Variants in AGAP1 observed in about 807,000 individuals in gnomAD.
The protein encoded by AGAP1 is ArfGAP with GTPase domain, ankyrin repeat and PH domain 1.
In AGAP1, 29 loss-of-function variants were observed where a neutral mutation model predicts 105.3. The observed-to-expected ratio is 0.28, with a 90% confidence interval of 0.21 to 0.38. The LOEUF (loss-of-function observed/expected upper bound fraction) is 0.38, where lower values mean the gene tolerates loss of function less well. Among genes scored for constraint, AGAP1 ranks in the 10% least tolerant of loss-of-function variants. The pLI, the probability that AGAP1 is intolerant of heterozygous loss-of-function variation, is 1.00. For synonymous variants in AGAP1, 509 were observed against 485.9 expected (o/e 1.05, Z -0.63); for missense variants, 998 against 1,165.1 (o/e 0.86, Z 2.09).
chr2:236,111,549 C>T (rs761735364), intron 16 of AGAP1, among the ~76,000 whole-genome samples: 41 of 151,808 alleles, frequency 2.7e-4, no homozygotes, highest in Non-Finnish European at 4.6e-4. Flanking sequence ...CACTTGTAAT[C>T]CCAGCACAAA....
chr2:235,678,901 C>T (rs1336339631), intron 1 of AGAP1, among the ~76,000 whole-genome samples: 2 of 152,160 alleles, frequency 1.3e-5, no homozygotes, highest in African/African-American at 4.8e-5. Context: ...TGTGTTTCGC[C>T]ATGTAGCCCC....
chr2:235,761,362 AG>A (rs1354521337), intron 6 of AGAP1, among the ~76,000 whole-genome samples: 1 of 152,204 alleles, frequency 6.6e-6, no homozygotes, highest in African/African-American at 2.4e-5. Context: ...TGCCAACATT[AG>A]ATCATTAAAC....
intron 9 of AGAP1, among the ~76,000 whole-genome samples, chr2:235,851,482 CCCT>C (rs1219785735): frequency 1.3e-5 from 2 of 152,210 alleles, no homozygotes; most frequent in Admixed American, 6.5e-5. Context: ...GGGAAAATGG[CCCT>C]CGTTTCAGAG....
chr2:235,801,677 T>C lies in AGAP1; in HGVS notation c.957+2155T>C, dbSNP rs1014828379. Among the ~76,000 whole-genome samples, 1 of 152,076 alleles carries C rather than the reference T, an allele frequency of 6.6e-6. No individual in the cohort carries two copies. The highest frequency in any genetic ancestry group is 1.5e-5 in the Non-Finnish European group (1 of 68,024). Reference sequence around the variant, plus strand: ...GGCTTGAGAAACCAATAGCCAAAGATGCAGCTGGATTGAGAGAAGGTGGGC... The same window carrying C: ...GGCTTGAGAAACCAATAGCCAAAGACGCAGCTGGATTGAGAGAAGGTGGGC... On this transcript the variant is annotated intron_variant, in intron 8 of 17. Transcript: ENST00000304032. This position sits in a 1 kb window ranked among gnomAD's most constrained non-coding sequence, Gnocchi z 6.0.
At chr2:235,797,292 G>T (rs1000194061) in intron 6 of AGAP1, among the ~76,000 whole-genome samples, 1 of 152,148 alleles carries the variant, frequency 6.6e-6, no homozygotes, top group African/African-American at 2.4e-5. Context: ...CTCTGAGGTG[G>T]TCTGTGCAGG....
Position 235,740,744 on chromosome 2 carries a change from T to C in AGAP1, c.311-219T>C, listed in dbSNP as rs1158280316. Reference sequence around the variant, plus strand: ...GTGTCTGGCATTGCGAAGGAAGCTGTGCCTTCCAACTGGAAACGCACAGGG... The same window carrying C: ...GTGTCTGGCATTGCGAAGGAAGCTGCGCCTTCCAACTGGAAACGCACAGGG... On this transcript the variant is annotated intron_variant, in intron 3 of 17. Coordinates refer to ENST00000304032, the MANE Select transcript of AGAP1 (RefSeq NM_001037131.3). This position sits in a 1 kb window ranked among gnomAD's most constrained non-coding sequence, Gnocchi z 5.7. Among the ~76,000 whole-genome samples, 2 of 152,276 alleles carry C rather than the reference T, an allele frequency of 1.3e-5. No homozygotes were observed. Among genetic ancestry groups the C allele is most frequent in the Non-Finnish European group, 2.9e-5 (2 of 68,044 alleles).
chr2:235,607,988 A>G (rs771007559), intron 1 of AGAP1, among the ~76,000 whole-genome samples: 1 of 152,236 alleles, frequency 6.6e-6, no homozygotes, highest in Non-Finnish European at 1.5e-5. Context: ...AAGTGCCTCA[A>G]GTGAGCGAGT....
intron 13 of AGAP1, among the ~76,000 whole-genome samples, chr2:235,987,995 G>A (rs1342621987): frequency 6.6e-6 from 1 of 152,160 alleles, no homozygotes; most frequent in Admixed American, 6.5e-5. Flanking sequence ...AAAGTATGCA[G>A]AATGTTGGTA....
intron 16 of AGAP1, among the ~76,000 whole-genome samples, chr2:236,111,997 C>T (rs1576332421): frequency 6.6e-6 from 1 of 152,144 alleles, no homozygotes; most frequent in South Asian, 2.1e-4. Flanking sequence ...ACTGCAGTGA[C>T]GGCTCCCACG....
chr2:236,085,749 G>T (rs988462939), intron 16 of AGAP1, among the ~76,000 whole-genome samples: 45 of 152,248 alleles, frequency 3.0e-4, no homozygotes, highest in African/African-American at 4.8e-5. Context: ...GCCCCCAGGG[G>T]CATCATGTGG....
At chr2:236,084,625 G>A (rs59333287) in intron 16 of AGAP1, among the ~76,000 whole-genome samples, 15,471 of 152,114 alleles carry the variant, frequency 0.1, 1,237 homozygotes, top group African/African-American at 0.22. Flanking sequence ...AATTTTTGCC[G>A]GGCACGGTAG....
intron 9 of AGAP1, among the ~76,000 whole-genome samples, chr2:235,808,337 G>A (rs1314427372): frequency 1.3e-5 from 2 of 152,192 alleles, no homozygotes; most frequent in Admixed American, 6.5e-5. Context: ...AATCCCTTAG[G>A]AACTGTGTAG....
intron 12 of AGAP1, among the ~76,000 whole-genome samples, chr2:235,942,649 G>C (rs992143918): frequency 6.7e-6 from 1 of 149,888 alleles, no homozygotes; most frequent in Non-Finnish European, 1.5e-5. Context: ...TCCAGCCTGG[G>C]TAACAAGAGC....
intron 1 of AGAP1, among the ~76,000 whole-genome samples, chr2:235,618,652 CA>C (rs1163914152): frequency 2.6e-5 from 4 of 152,094 alleles, no homozygotes; most frequent in Non-Finnish European, 2.9e-5. Context: ...CTTAAAATTA[CA>C]AGACTTAAAA....
intron 1 of AGAP1, among the ~76,000 whole-genome samples, chr2:235,653,752 C>A (rs1282894345): frequency 2.0e-5 from 3 of 152,124 alleles, no homozygotes; most frequent in African/African-American, 7.2e-5. Flanking sequence ...TTAAAAATGG[C>A]CTTATGTATT....
In AGAP1 at chr2:235,992,963, C is replaced by T. The variant is rs1420416920; in HGVS notation, c.1645+24340C>T. On this transcript the variant is annotated intron_variant, in intron 13 of 17. Transcript: ENST00000304032. This position sits in a 1 kb window ranked among gnomAD's most constrained non-coding sequence, Gnocchi z 4.8. The stretch of plus-strand genomic sequence containing the variant: ...TGGCCACATAGTGGAACTGGAAATG[C>T]CTCCATGCTGACGTGTCTGCCTTTC... Among the ~76,000 whole-genome samples the T allele has an allele frequency of 1.3e-5, 2 of 152,158 alleles. No individual in the cohort carries two copies. Among genetic ancestry groups the T allele is most frequent in the African/African-American group, 2.4e-5 (1 of 41,426 alleles).
In AGAP1 at chr2:235,960,103, C is replaced by T. The variant is rs1168762404; in HGVS notation, c.1484-8359C>T. Among the ~76,000 whole-genome samples the T allele has an allele frequency of 1.3e-5, 2 of 152,194 alleles. No individual in the cohort carries two copies. The highest frequency in any genetic ancestry group is 2.4e-5 in the African/African-American group (1 of 41,456). ...AAGTCACTGCCTCAACTCCATGCCT[C>T]CAAATGGGGGCGGGGAGGGTGCTTG... On this transcript the variant is annotated intron_variant, in intron 12 of 17. Transcript: ENST00000304032. The surrounding 1 kb of genome is among the most constrained non-coding windows in gnomAD (Gnocchi z 4.9).
chr2:236,068,567 G>C (rs1404962661), intron 16 of AGAP1, among the ~76,000 whole-genome samples: 1 of 151,334 alleles, frequency 6.6e-6, no homozygotes, highest in East Asian at 2.0e-4. Context: ...TTCGGAGGCC[G>C]AGGCGGGCGG....
At position 235,936,490 on chromosome 2, in the gene AGAP1, G is replaced by T. The variant is rs954922125; in HGVS notation, c.1483+5567G>T. Among the ~76,000 whole-genome samples the T allele has an allele frequency of 6.6e-6, 1 of 152,118 alleles. No homozygotes were observed. The highest frequency in any genetic ancestry group is 6.5e-5 in the Admixed American group (1 of 15,282). On this transcript the variant is annotated intron_variant, in intron 12 of 17. Transcript: ENST00000304032. This position sits in a 1 kb window ranked among gnomAD's most constrained non-coding sequence, Gnocchi z 4.7. ...ACGTCGATTTTGATGATGGGGGTTC[G>T]AAACATGAGTTTCAGCTTCGGAAGC...
Sources: gnomAD v4.1 joint callset for allele counts (sites outside exome capture counted in the v4.1 genomes callset) on GRCh38, gnomAD v4.1.1 for gene constraint, Gnocchi (gnomAD v3.1) non-coding constraint, MANE v1.5 for transcripts, NCBI Gene and HGNC (gene_info 2026-07-23, HGNC 2026-07-21) for gene names.